Variants in SERGEF observed in about 807,000 individuals in gnomAD.
SERGEF encodes secretion regulating guanine nucleotide exchange factor.
A neutral mutation model predicts 50.0 loss-of-function variants in SERGEF; 51 were observed. The observed-to-expected ratio is 1.02, with a 90% CI of 0.81 to 1.29. The LOEUF (loss-of-function observed/expected upper bound fraction) is 1.29, where lower values mean the gene tolerates loss of function less well. SERGEF is among the 50% of genes most tolerant of loss of function. The pLI, the probability that SERGEF is intolerant of heterozygous loss-of-function variation, is 0.00. For synonymous variants in SERGEF, 205 were observed against 212.4 expected, an observed-to-expected ratio of 0.97 and a Z score of 0.30; for missense variants, 521 against 557.0, an observed-to-expected ratio of 0.94 and a Z score of 0.65.
At chr11:17,833,863 GTA>G (rs1414476822) in intron 10 of SERGEF, among the ~76,000 whole-genome samples, 1 of 152,156 alleles carries the variant, frequency 6.6e-6, no homozygotes. Context: ...TAACCCCATG[GTA>G]TCCAGGAAGT....
In SERGEF at chr11:17,995,898, C is replaced by T. The variant is rs1202027594; in HGVS notation, c.520G>A (p.Val174Met). 6 of 1,612,020 alleles carry T rather than the reference C, an allele frequency of 3.7e-6. No homozygotes were observed. The highest frequency in any genetic ancestry group is 2.7e-5 in the African/African-American group (2 of 74,842). The change falls in exon 6 of 11, where the codon GTG becomes ATG. Residue 174 changes from valine (V) to methionine (M), a missense_variant. Coordinates refer to ENST00000265965, the MANE Select transcript of SERGEF (RefSeq NM_012139.4). The part of the protein sequence containing the change: ...HAVAATASGI[V>M]FQWGTGLASC... ...GCCAAACCAGTCCCCCACTGGAACACGATGCCACTCGCTTCCCAACAGAAT... is the reference window on the plus strand; with the variant it reads ...GCCAAACCAGTCCCCCACTGGAACATGATGCCACTCGCTTCCCAACAGAAT...
chr11:17,890,303 A>T (rs1193442441), intron 9 of SERGEF, among the ~76,000 whole-genome samples: 2 of 152,214 alleles, frequency 1.3e-5, no homozygotes, highest in African/African-American at 2.4e-5. Context: ...CAGGTTTCTC[A>T]TAGTCAGGGA....
chr11:17,951,038 G>A (rs932182662), intron 9 of SERGEF, among the ~76,000 whole-genome samples: 4 of 152,168 alleles, frequency 2.6e-5, no homozygotes, highest in African/African-American at 7.2e-5. Context: ...ATGCTGCAGG[G>A]AGATTGGCTG....
At chr11:17,850,240 T>G (rs1391692913) in intron 10 of SERGEF, among the ~76,000 whole-genome samples, 1 of 152,198 alleles carries the variant, frequency 6.6e-6, no homozygotes, top group Non-Finnish European at 1.5e-5. Context: ...CTCCCAGCAC[T>G]GTTACACTGG....
At chr11:17,930,799 T>C (rs1852337431) in intron 9 of SERGEF, among the ~76,000 whole-genome samples, 1 of 152,134 alleles carries the variant, frequency 6.6e-6, no homozygotes, top group African/African-American at 2.4e-5. Context: ...TCACCATCTG[T>C]AAATCGAAGG....
intron 9 of SERGEF, among the ~76,000 whole-genome samples, chr11:17,906,467 A>T (rs1036556610): frequency 6.6e-6 from 1 of 152,036 alleles, no homozygotes; most frequent in Non-Finnish European, 1.5e-5. Flanking sequence ...CCACAGGAAC[A>T]ATCACCTGCA....
chr11:17,929,351 G>C (rs562345385), intron 9 of SERGEF, among the ~76,000 whole-genome samples: 1 of 152,124 alleles, frequency 6.6e-6, no homozygotes. Flanking sequence ...GAGGATAATA[G>C]GGCAGCTCAG....
intron 6 of SERGEF, among the ~76,000 whole-genome samples, chr11:17,994,776 C>T (rs939345932): frequency 6.6e-6 from 1 of 152,048 alleles, no homozygotes; most frequent in South Asian, 2.1e-4. Flanking sequence ...GAAGCTAAGC[C>T]CACCCCTAGC....
chr11:17,951,114 C>G (rs1002919862), intron 9 of SERGEF, among the ~76,000 whole-genome samples: 1 of 152,166 alleles, frequency 6.6e-6, no homozygotes, highest in East Asian at 1.9e-4. Flanking sequence ...TTACAAGATC[C>G]ATGGTGGTTC....
chr11:17,864,852 T>C (rs1218919368), intron 10 of SERGEF, among the ~76,000 whole-genome samples: 1 of 152,148 alleles, frequency 6.6e-6, no homozygotes, highest in Non-Finnish European at 1.5e-5. Context: ...TGACCAGCTG[T>C]GCAATTTTGG....
intron 10 of SERGEF, chr11:17,854,858 A>C (rs570379608): frequency 6.6e-6 from 1 of 152,348 alleles, no homozygotes; most frequent in South Asian, 2.1e-4. Flanking sequence ...AGCTATAGAA[A>C]TCTGCATTTA....
intron 9 of SERGEF, among the ~76,000 whole-genome samples, chr11:17,889,252 A>C (rs1297789287): frequency 6.6e-6 from 1 of 152,230 alleles, no homozygotes; most frequent in Non-Finnish European, 1.5e-5. Context: ...TTACTTCTTA[A>C]TTACAAAGGA....
chr11:17,831,530 G>C (rs1184574156), intron 10 of SERGEF, among the ~76,000 whole-genome samples: 2 of 152,198 alleles, frequency 1.3e-5, no homozygotes, highest in Non-Finnish European at 2.9e-5. Flanking sequence ...CAGAATAGTA[G>C]CTGGCAAATG....
chr11:17,907,647 A>G (rs1216083457), intron 9 of SERGEF, among the ~76,000 whole-genome samples: 1 of 152,228 alleles, frequency 6.6e-6, no homozygotes, highest in Non-Finnish European at 1.5e-5. Flanking sequence ...CTATCCAGGC[A>G]GAGGGGGAAT....
At chr11:17,799,560 C>T (rs1413247741) in intron 10 of SERGEF, among the ~76,000 whole-genome samples, 2 of 152,202 alleles carry the variant, frequency 1.3e-5, no homozygotes, top group African/African-American at 2.4e-5. Context: ...CTGGTCACCA[C>T]CAGAGCCTCC....
chr11:17,935,914 G>A (rs991492100), intron 9 of SERGEF, among the ~76,000 whole-genome samples: 1 of 152,138 alleles, frequency 6.6e-6, no homozygotes, highest in Admixed American at 6.6e-5. Flanking sequence ...AGAGTGGAGG[G>A]AGCAGGATTA....
chr11:17,995,941 A>G (rs749208065), intron 5 of SERGEF, 32 bp from the exon 6 acceptor site: 1 of 1,470,436 alleles, frequency 6.8e-7, no homozygotes, highest in African/African-American at 1.4e-5. Context: ...AAAGCAGAGA[A>G]GATGCACATC....
intron 9 of SERGEF, among the ~76,000 whole-genome samples, chr11:17,919,062 T>C (rs956685403): frequency 6.6e-6 from 1 of 152,178 alleles, no homozygotes; most frequent in African/African-American, 2.4e-5. Flanking sequence ...TAACAAATCA[T>C]TGAACCCCAA....
rs549058424 is a variant in SERGEF at position 17,802,312 on chromosome 11, G to A, written c.1049-13899C>T. Among the ~76,000 whole-genome samples, 3 of 152,296 alleles carry A rather than the reference G, an allele frequency of 2.0e-5. No homozygotes were observed. In the South Asian group the frequency reaches 6.2e-4, roughly 32 times the overall value. ...TTCTAAGAATAAATACACAAATGAA[G>A]ATAAGGAAGCCCAGTGAGTTCCACT... On this transcript the variant is annotated intron_variant, in intron 10 of 10. Transcript: ENST00000265965.
Sources: allele counts gnomAD v4.1 joint callset (sites outside exome capture counted in the v4.1 genomes callset), GRCh38; gene constraint gnomAD v4.1.1; transcripts MANE v1.5; gene names NCBI Gene and HGNC (gene_info 2026-07-23, HGNC 2026-07-21).